Variants in VWA5A observed in about 807,000 individuals in gnomAD.
The protein encoded by VWA5A is von Willebrand factor A domain containing 5A.
VWA5A carries 77 observed loss-of-function variants against 84.6 expected under a neutral mutation model. The ratio of observed to expected loss-of-function variants is 0.91; its 90% confidence interval spans 0.76 to 1.10. The LOEUF (loss-of-function observed/expected upper bound fraction) is 1.10. VWA5A is among the 50% of genes least tolerant of loss of function. VWA5A has a pLI of 0.00. For missense variants in VWA5A, 973 were observed against 963.0 expected, an observed-to-expected ratio of 1.01 and a Z score of -0.14; for synonymous variants, 334 against 350.1, an observed-to-expected ratio of 0.95 and a Z score of 0.51.
At chr11:124,144,771 C>T (rs1157527735) in intron 17 of VWA5A, among the ~76,000 whole-genome samples, 2 of 152,072 alleles carry the variant, frequency 1.3e-5, no homozygotes, top group East Asian at 1.9e-4. Context: ...TCACTTCTGT[C>T]GTTTGCTAGA....
In VWA5A at chr11:124,147,658, A is replaced by G. The variant is rs772886485; in HGVS notation, c.*1713A>G. 2.6e-5 allele frequency: 4 copies of G among 152,214 alleles called. No individual in the cohort carries two copies. Among genetic ancestry groups the G allele is most frequent in the Non-Finnish European group, 4.4e-5 (3 of 68,040 alleles). 9.4% of individuals were successfully genotyped at this position (152,214 alleles called of 1,614,324 possible). A position where few individuals can be genotyped will look rare whatever the true frequency, so the allele number is the denominator to read the frequency against. The stretch of plus-strand genomic sequence containing the variant: ...AGGCTCCCAGGTATCATGCATGCAC[A>G]TTGAAGTTTGAAAAGTAAAGGCTTA... On this transcript the variant is annotated 3_prime_UTR_variant, in exon 19 of 19. Coordinates refer to ENST00000456829, the MANE Select transcript of VWA5A (RefSeq NM_001130142.2).
chr11:124,123,069 A>T lies in VWA5A; in HGVS notation c.870A>T (p.Gly290=). The change falls in exon 8 of 19, where the codon GGA becomes GGT. Residue 290 remains glycine, a synonymous_variant. Coordinates refer to ENST00000456829, the MANE Select transcript of VWA5A (RefSeq NM_001130142.2). ...GEFIFLMDRS[G]SMQSPMSSQD... is the part of the protein sequence containing the mutation. ...TTATCTTTCTCATGGACCGCTCGGG[A>T]AGTATGCAGAGCCCCATGAGTAGCC... 6.2e-7 allele frequency: 1 copy of T among 1,614,094 alleles called. No homozygotes were observed. The highest frequency in any genetic ancestry group is 8.5e-7 in the Non-Finnish European group (1 of 1,180,032).
rs73607036 is a variant in VWA5A at position 124,137,223 on chromosome 11, A to G, written c.1834A>G (p.Ile612Val). Reference protein sequence around the residue: ...PLAHRDVPRPILLGASAPLKI... With the variant: ...PLAHRDVPRPVLLGASAPLKI... ...GGCTCATAGGGACGTCCCAAGGCCA[A>G]TTCTGTTGGGTGCTTCTGCCCCATT... The change falls in exon 15 of 19, where the codon ATT (isoleucine) becomes GTT (valine). Residue 612 changes from isoleucine to valine, a missense_variant. Physicochemically the swap from Ile to Val is conservative, Grantham distance 29 (BLOSUM62 3). Transcript: ENST00000456829. 14,747 of 1,614,132 alleles carry G rather than the reference A, an allele frequency of 9.1e-3. 992 individuals carry two copies. In the African/African-American group the frequency reaches 0.16, roughly 17 times the overall value.
rs1378929777 is a variant in VWA5A, at chr11:124,136,586, A to C, written c.1537A>C (p.Thr513Pro). ...LTGRMPAAET[T>P]GEVCLKYTLQ... ...CTCTAATTTGCAGGCAGCAGAGACA[A>C]CAGGAGAAGTATGCCTCAAATATAC... Residue 513 changes from threonine to proline, a missense_variant, in exon 14 of 19, where the codon ACA (threonine) becomes CCA (proline). By Grantham distance (38) the Thr-to-Pro change is conservative (BLOSUM62 -1). Transcript: ENST00000456829. The C allele has an allele frequency of 6.2e-7, 1 of 1,614,006 alleles. No homozygotes were observed. Among genetic ancestry groups the C allele is most frequent in the Non-Finnish European group, 8.5e-7 (1 of 1,179,984 alleles).
Position 124,137,074 on chromosome 11 carries a change from G to A in VWA5A, c.1685G>A (p.Arg562Lys), listed in dbSNP as rs143375060. ...CTCCAGACCAAGGACATGGGCCTCAGGGAGACTCCAGCAAGTGATAAAAAA... is the reference window on the plus strand; with the variant it reads ...CTCCAGACCAAGGACATGGGCCTCAAGGAGACTCCAGCAAGTGATAAAAAA... ...SLLQTKDMGL[R>K]ETPASDKKDA... is the part of the protein sequence containing the mutation. The change falls in exon 15 of 19, where the codon AGG becomes AAG. Residue 562 changes from arginine (R) to lysine (K), a missense_variant. Physicochemically the swap from Arg to Lys is conservative, Grantham distance 26 (BLOSUM62 2). Transcript: ENST00000456829. The A allele has an allele frequency of 2.9e-4, 474 of 1,613,454 alleles. 1 individual carries two copies. The African/African-American group carries it at 6.0e-3, about 20-fold the overall frequency.
At position 124,126,810 on chromosome 11, in the gene VWA5A, A is replaced by G. The variant is rs567125004; in HGVS notation, c.1244+2494A>G. On this transcript the variant is annotated intron_variant, in intron 11 of 18. Coordinates refer to ENST00000456829, the MANE Select transcript of VWA5A (RefSeq NM_001130142.2). ...CATATAACCTTCACCCGGGTCTACC[A>G]GTTGTCAACCTTTTACCACATTTGT... Among the ~76,000 whole-genome samples the G allele has an allele frequency of 2.0e-5, 3 of 151,476 alleles. No individual in the cohort carries two copies. The East Asian group carries it at 5.8e-4, about 29-fold the overall frequency.
intron 12 of VWA5A, among the ~76,000 whole-genome samples, chr11:124,135,810 G>A (rs1003081290): frequency 1.3e-5 from 2 of 151,814 alleles, no homozygotes; most frequent in South Asian, 4.2e-4. Context: ...GATTACAGGC[G>A]TGAGCCACCG....
At chr11:124,129,241 G>A (rs1865062853) in intron 11 of VWA5A, among the ~76,000 whole-genome samples, 1 of 152,196 alleles carries the variant, frequency 6.6e-6, no homozygotes, top group Admixed American at 6.5e-5. Context: ...AGACAATCAT[G>A]TGGGTTTTGT....
intron 15 of VWA5A, 96 bp from the exon 16 acceptor site, chr11:124,141,502 G>T: frequency 2.0e-6 from 3 of 1,496,730 alleles, no homozygotes; most frequent in Admixed American, 1.9e-5. Context: ...ACTGAAGCCA[G>T]TGTGGATGGG....
intron 17 of VWA5A, among the ~76,000 whole-genome samples, chr11:124,144,365 T>A (rs1458083632): frequency 6.6e-6 from 1 of 152,302 alleles, no homozygotes; most frequent in East Asian, 1.9e-4. Flanking sequence ...TTACCTGAAA[T>A]GGGCTGTGAT....
intron 10 of VWA5A, 63 bp from the exon 11 acceptor site, chr11:124,124,174 A>C: frequency 3.3e-6 from 5 of 1,528,642 alleles, no homozygotes; most frequent in Non-Finnish European, 4.5e-6. Flanking sequence ...TTTCAAGGGC[A>C]AATTCTGGTT....
In VWA5A at chr11:124,118,637, AT is replaced by A. The variant is rs749613083; in HGVS notation, c.576del (p.Ile192MetfsTer10). 1 of 1,614,150 alleles carries A rather than the reference AT, an allele frequency of 6.2e-7. No individual in the cohort carries two copies. The highest frequency in any genetic ancestry group is 1.1e-5 in the South Asian group (1 of 91,076). On this transcript the variant is annotated frameshift_variant, in exon 6 of 19. Transcript: ENST00000456829. LOFTEE classifies it high-confidence loss of function. Reference sequence around the variant, plus strand: ...CGCCACCATAGATTCCCAGCATGGCATTGAGAAGGTCCAATCCAACTGCCCC... The same window carrying A: ...CGCCACCATAGATTCCCAGCATGGCATGAGAAGGTCCAATCCAACTGCCCC... The part of the protein sequence containing the change: ...MVATIDSQHG[I>X]EKVQSNCPLS...
chr11:124,134,890 C>A, intron 11 of VWA5A, 30 bp from the exon 12 acceptor site: 1 of 1,562,880 alleles, frequency 6.4e-7, no homozygotes, highest in Non-Finnish European at 8.8e-7. Flanking sequence ...TTAATGCCTT[C>A]CTCTAACCTC....
chr11:124,141,842 G>A, intron 16 of VWA5A, 101 bp downstream of exon 16: 2 of 1,462,476 alleles, frequency 1.4e-6, no homozygotes, highest in East Asian at 2.3e-5. Context: ...GACAAGAGAT[G>A]CATGTTTCTC....
intron 15 of VWA5A, among the ~76,000 whole-genome samples, chr11:124,137,551 G>C (rs1301861696): frequency 6.6e-6 from 1 of 152,152 alleles, no homozygotes; most frequent in Non-Finnish European, 1.5e-5. Flanking sequence ...CTAATCTGAA[G>C]CTGATTTATC....
chr11:124,132,938 T>G (rs1203562089), intron 11 of VWA5A, among the ~76,000 whole-genome samples: 1 of 152,248 alleles, frequency 6.6e-6, no homozygotes, highest in Admixed American at 6.5e-5. Flanking sequence ...GATATGACAT[T>G]TGCCATTGTC....
intron 11 of VWA5A, among the ~76,000 whole-genome samples, chr11:124,132,551 A>G (rs183662354): frequency 1.4e-4 from 21 of 152,160 alleles, no homozygotes; most frequent in African/African-American, 4.6e-4. Context: ...TGTCCATGAT[A>G]TTGCCTAATA....
At chr11:124,139,063 G>A (rs1368218129) in intron 15 of VWA5A, among the ~76,000 whole-genome samples, 1 of 152,118 alleles carries the variant, frequency 6.6e-6, no homozygotes, top group African/African-American at 2.4e-5. Flanking sequence ...TAGCACTTTT[G>A]TCAAAAATTA....
chr11:124,129,712 G>C (rs1865070136), intron 11 of VWA5A, among the ~76,000 whole-genome samples: 1 of 151,996 alleles, frequency 6.6e-6, no homozygotes, highest in Non-Finnish European at 1.5e-5. Flanking sequence ...TCTTGGGGTG[G>C]GGGGTGTATG....
Sources: allele counts gnomAD v4.1 joint callset (sites outside exome capture counted in the v4.1 genomes callset), GRCh38; gene constraint gnomAD v4.1.1; transcripts MANE v1.5; gene names NCBI Gene and HGNC (gene_info 2026-07-23, HGNC 2026-07-21).